Variants in GRIK2 observed in about 807,000 individuals in gnomAD.
The protein encoded by GRIK2 is glutamate ionotropic receptor kainate type subunit 2.
GRIK2 carries 32 observed loss-of-function variants against 100.3 expected under a neutral mutation model. That is an observed-to-expected ratio of 0.32 (90% CI 0.24 to 0.43). The LOEUF (loss-of-function observed/expected upper bound fraction) is 0.43, where lower values mean the gene tolerates loss of function less well. GRIK2 is among the 20% of genes least tolerant of loss of function. The probability of loss-of-function intolerance (pLI) is 1.00; values close to 1 mark genes in which losing one functional copy is unlikely to be tolerated. For missense variants in GRIK2, 843 were observed against 1,114.9 expected (o/e 0.76, Z 3.47); for synonymous variants, 417 against 389.4 (o/e 1.07, Z -0.83).
chr6:101,540,746 G>T (rs1486757238), intron 2 of GRIK2, among the ~76,000 whole-genome samples: 1 of 151,878 alleles, frequency 6.6e-6, no homozygotes, highest in Non-Finnish European at 1.5e-5. Context: ...TTGCCTGAAA[G>T]TTCTTTCTAA....
intron 4 of GRIK2, among the ~76,000 whole-genome samples, chr6:101,669,553 G>A (rs1770275656): frequency 6.6e-6 from 1 of 151,982 alleles, no homozygotes; most frequent in Non-Finnish European, 1.5e-5. Flanking sequence ...TTCTGCAATT[G>A]GCATTTTTAG....
At chr6:102,029,113 G>A (rs1769853885) in intron 14 of GRIK2, among the ~76,000 whole-genome samples, 1 of 151,138 alleles carries the variant, frequency 6.6e-6, no homozygotes, top group Non-Finnish European at 1.5e-5. Flanking sequence ...CTCAATTCCT[G>A]AGTCTTTCCT....
At chr6:101,720,366 A>T (rs1450004086) in intron 7 of GRIK2, among the ~76,000 whole-genome samples, 1 of 152,032 alleles carries the variant, frequency 6.6e-6, no homozygotes, top group Non-Finnish European at 1.5e-5. Context: ...CTATATTCTC[A>T]TACCATATAT....
chr6:101,760,395 T>G (rs1302737314), intron 7 of GRIK2, among the ~76,000 whole-genome samples: 5 of 76,916 alleles, frequency 6.5e-5, no homozygotes, highest in African/African-American at 3.7e-4. Flanking sequence ...TTAATTATAT[T>G]TAATTATATA....
At chr6:101,735,389 C>A (rs1775566242) in intron 7 of GRIK2, among the ~76,000 whole-genome samples, 1 of 152,114 alleles carries the variant, frequency 6.6e-6, no homozygotes, top group African/African-American at 2.4e-5. Flanking sequence ...CTGTATTAGT[C>A]CGCTTTCAGG....
chr6:102,041,611 C>A (rs768650151), intron 15 of GRIK2, among the ~76,000 whole-genome samples: 2 of 151,304 alleles, frequency 1.3e-5, no homozygotes, highest in African/African-American at 2.4e-5. Flanking sequence ...CTGGATGAAA[C>A]CTGAAGAAGT....
chr6:101,887,988 T>C (rs187424488), intron 11 of GRIK2, among the ~76,000 whole-genome samples: 1 of 152,306 alleles, frequency 6.6e-6, no homozygotes, highest in Non-Finnish European at 1.5e-5. Context: ...CAATTTTTAG[T>C]TTCTCCCTTA....
intron 14 of GRIK2, among the ~76,000 whole-genome samples, chr6:102,001,884 C>T (rs914182699): frequency 6.6e-6 from 1 of 151,678 alleles, no homozygotes; most frequent in Non-Finnish European, 1.5e-5. Flanking sequence ...TTCTAGCTAT[C>T]TTTCTGTTAA....
At chr6:101,901,178 T>C (rs1787822669) in intron 12 of GRIK2, among the ~76,000 whole-genome samples, 1 of 152,034 alleles carries the variant, frequency 6.6e-6, no homozygotes, top group Non-Finnish European at 1.5e-5. Context: ...TAAGAAATAA[T>C]TTTTTACAAG....
At chr6:101,663,505 G>A (rs1769789427) in intron 4 of GRIK2, among the ~76,000 whole-genome samples, 1 of 152,186 alleles carries the variant, frequency 6.6e-6, no homozygotes. Flanking sequence ...GATGAAGTAT[G>A]GTGAAGTAGG....
chr6:101,737,955 C>T (rs59365731), intron 7 of GRIK2, among the ~76,000 whole-genome samples: 3 of 152,168 alleles, frequency 2.0e-5, no homozygotes, highest in East Asian at 1.9e-4. Context: ...ATTAAATGAG[C>T]TCTGGAGGCA....
chr6:101,631,518 A>G (rs1414691164), intron 4 of GRIK2, among the ~76,000 whole-genome samples: 1 of 152,144 alleles, frequency 6.6e-6, no homozygotes, highest in African/African-American at 2.4e-5. Flanking sequence ...GCTGTCACGT[A>G]AACTATTTCA....
At chr6:102,033,431 T>A (rs1311846242) in intron 14 of GRIK2, among the ~76,000 whole-genome samples, 2 of 151,276 alleles carry the variant, frequency 1.3e-5, no homozygotes, top group Non-Finnish European at 3.0e-5. Flanking sequence ...CTTGAGTGGG[T>A]TGGGGGAGTC....
chr6:101,814,783 C>T (rs779616225), intron 9 of GRIK2, among the ~76,000 whole-genome samples: 4 of 151,958 alleles, frequency 2.6e-5, no homozygotes, highest in Non-Finnish European at 5.9e-5. Flanking sequence ...AGTTGAATCA[C>T]GATATGTTCA....
At chr6:101,841,552 TG>T (rs1350251117) in intron 10 of GRIK2, among the ~76,000 whole-genome samples, 2 of 151,842 alleles carry the variant, frequency 1.3e-5, no homozygotes, top group East Asian at 3.9e-4. Flanking sequence ...TTAGTAGAGA[TG>T]GGGGTTTGCC....
At chr6:101,895,120 A>T (rs1337393284) in intron 12 of GRIK2, among the ~76,000 whole-genome samples, 1 of 151,814 alleles carries the variant, frequency 6.6e-6, no homozygotes, top group Non-Finnish European at 1.5e-5. Context: ...TTAGGGTCAA[A>T]TAGAGGAGAA....
At chr6:101,819,079 A>T (rs1219573960) in intron 10 of GRIK2, among the ~76,000 whole-genome samples, 3 of 152,058 alleles carry the variant, frequency 2.0e-5, no homozygotes, top group Non-Finnish European at 4.4e-5. Flanking sequence ...TACCCCTCTT[A>T]TATTTATTTA....
intron 3 of GRIK2, among the ~76,000 whole-genome samples, chr6:101,624,078 T>C (rs770894886): frequency 2.0e-5 from 3 of 152,128 alleles, no homozygotes. Context: ...TCTAATTTTT[T>C]TCTGTTATAG....
At chr6:101,701,829 C>T (rs62419261) in intron 7 of GRIK2, among the ~76,000 whole-genome samples, 2 of 152,006 alleles carry the variant, frequency 1.3e-5, no homozygotes, top group Admixed American at 1.3e-4. Context: ...ATGTGGAAGA[C>T]AATTACAATT....
Sources: gnomAD v4.1 joint callset for allele counts (sites outside exome capture counted in the v4.1 genomes callset) on GRCh38, gnomAD v4.1.1 for gene constraint, MANE v1.5 for transcripts, NCBI Gene and HGNC (gene_info 2026-07-23, HGNC 2026-07-21) for gene names.